DPP10: variants seen among roughly 807,000 people sequenced by gnomAD.
DPP10 encodes the protein inactive dipeptidyl peptidase 10.
In DPP10, 33 loss-of-function variants were observed where a neutral mutation model predicts 120.9. The ratio of observed to expected loss-of-function variants is 0.27; its 90% CI spans 0.21 to 0.37. The LOEUF (loss-of-function observed/expected upper bound fraction) is 0.37. Ranked by LOEUF, DPP10 falls within the 10% of genes least tolerant of loss-of-function variation. The pLI, the probability that DPP10 is intolerant of heterozygous loss-of-function variation, is 1.00. For missense variants in DPP10, 816 were observed against 942.8 expected (o/e 0.87, Z 1.76); for synonymous variants, 337 against 326.1 (o/e 1.03, Z -0.36).
At chr2:114,867,876 C>T (rs1477753473) in intron 1 of DPP10, among the ~76,000 whole-genome samples, 1 of 152,220 alleles carries the variant, frequency 6.6e-6, no homozygotes, top group Non-Finnish European at 1.5e-5. Flanking sequence ...ACATCTGACA[C>T]TCAGCTCCTC....
chr2:115,744,822 T>A (rs2149711299), intron 9 of DPP10, among the ~76,000 whole-genome samples: 1 of 150,692 alleles, frequency 6.6e-6, no homozygotes, highest in Non-Finnish European at 1.5e-5. Flanking sequence ...ATCAGTTTTA[T>A]TCCCTTTAGG....
At chr2:114,671,087 G>T (rs1366987788) in intron 1 of DPP10, among the ~76,000 whole-genome samples, 2 of 152,052 alleles carry the variant, frequency 1.3e-5, no homozygotes, top group Non-Finnish European at 2.9e-5. Context: ...GTCTTTTTCT[G>T]GCTAAACTAT....
At chr2:115,197,803 ATATGC>A (rs2055393038) in intron 1 of DPP10, among the ~76,000 whole-genome samples, 1 of 152,220 alleles carries the variant, frequency 6.6e-6, no homozygotes, top group South Asian at 2.1e-4. Flanking sequence ...ATGAAAATAA[ATATGC>A]TATGACGTTT....
chr2:115,673,775 CTGTTGAGAGT>C, intron 5 of DPP10, among the ~76,000 whole-genome samples: 1 of 152,184 alleles, frequency 6.6e-6, no homozygotes, highest in Non-Finnish European at 1.5e-5. Context: ...TGTAAAACAT[CTGTTGAGAGT>C]CACTGCCTTA....
intron 5 of DPP10, among the ~76,000 whole-genome samples, chr2:115,533,716 CAAAG>C (rs1160080940): frequency 2.0e-5 from 3 of 151,946 alleles, no homozygotes; most frequent in Non-Finnish European, 2.9e-5. Context: ...AATACAAACT[CAAAG>C]AAAGCACAGT....
intron 1 of DPP10, among the ~76,000 whole-genome samples, chr2:115,245,310 G>A (rs947316674): frequency 4.0e-5 from 6 of 151,776 alleles, no homozygotes; most frequent in South Asian, 2.1e-4. Context: ...TCAAAACATG[G>A]GCAAAGGACA....
intron 1 of DPP10, among the ~76,000 whole-genome samples, chr2:114,900,684 C>T (rs749515247): frequency 1.3e-5 from 2 of 152,082 alleles, no homozygotes; most frequent in Non-Finnish European, 2.9e-5. Context: ...ATTTGACAAA[C>T]AGAAGTCCCT....
chr2:115,283,640 G>A (rs1160932386), intron 1 of DPP10, among the ~76,000 whole-genome samples: 1 of 151,966 alleles, frequency 6.6e-6, no homozygotes, highest in Non-Finnish European at 1.5e-5. Context: ...ATTATTACCA[G>A]GTAGGGGAGA....
intron 1 of DPP10, among the ~76,000 whole-genome samples, chr2:114,614,740 G>T (rs2105302330): frequency 6.6e-6 from 1 of 152,270 alleles, no homozygotes; most frequent in East Asian, 1.9e-4. Context: ...ATACACATTT[G>T]TTGTTTGTTT....
intron 1 of DPP10, among the ~76,000 whole-genome samples, chr2:114,822,260 G>T (rs1394125539): frequency 2.0e-5 from 3 of 152,122 alleles, no homozygotes; most frequent in Admixed American, 1.3e-4. Context: ...CACTTGGAAG[G>T]TGCCAAACCT....
At chr2:115,790,404 G>A (rs545435786) in intron 17 of DPP10, among the ~76,000 whole-genome samples, 43 of 152,250 alleles carry the variant, frequency 2.8e-4, no homozygotes, top group Non-Finnish European at 5.6e-4. Flanking sequence ...GTGATGTAAA[G>A]TCTCTCCAAA....
chr2:115,336,319 C>T (rs1351079315), intron 2 of DPP10, among the ~76,000 whole-genome samples: 1 of 151,878 alleles, frequency 6.6e-6, no homozygotes, highest in African/African-American at 2.4e-5. Flanking sequence ...GTTCTGTTGC[C>T]ACATTCATAT....
At chr2:115,418,742 C>A (rs2069661459) in intron 3 of DPP10, among the ~76,000 whole-genome samples, 1 of 150,740 alleles carries the variant, frequency 6.6e-6, no homozygotes, top group Non-Finnish European at 1.5e-5. Flanking sequence ...CACTGCATTC[C>A]AGCCTGGGTG....
At chr2:114,628,560 C>T (rs1694680710) in intron 1 of DPP10, among the ~76,000 whole-genome samples, 1 of 152,108 alleles carries the variant, frequency 6.6e-6, no homozygotes. Flanking sequence ...ATTCATGGGT[C>T]TTTTGCCAAC....
intron 1 of DPP10, among the ~76,000 whole-genome samples, chr2:114,644,451 A>G (rs544067644): frequency 2.6e-5 from 4 of 151,554 alleles, no homozygotes; most frequent in Middle Eastern, 3.4e-3. Flanking sequence ...CCCTATTACA[A>G]AACTCCTCTC....
At chr2:115,233,873 A>G (rs1032742060) in intron 1 of DPP10, 9 of 499,154 alleles carry the variant, frequency 1.8e-5, no homozygotes, top group Non-Finnish European at 2.4e-5. Flanking sequence ...CACATACCCC[A>G]TTTCTGCTCA....
intron 21 of DPP10, among the ~76,000 whole-genome samples, chr2:115,834,949 G>T (rs996364459): frequency 6.6e-6 from 1 of 152,116 alleles, no homozygotes; most frequent in African/African-American, 2.4e-5. Flanking sequence ...TAGCCGGGCT[G>T]GTGGCGGGCG....
chr2:114,840,362 G>T (rs1165446091), intron 1 of DPP10, among the ~76,000 whole-genome samples: 1 of 152,118 alleles, frequency 6.6e-6, no homozygotes, highest in Non-Finnish European at 1.5e-5. Context: ...AGGGCGAGGG[G>T]CATTCCGTTT....
chr2:114,900,971 A>G (rs1468491064), intron 1 of DPP10, among the ~76,000 whole-genome samples: 1 of 152,250 alleles, frequency 6.6e-6, no homozygotes, highest in Non-Finnish European at 1.5e-5. Context: ...ATGCCTAAAC[A>G]GGATCTAGTT....
Sources: gnomAD v4.1 joint callset for allele counts (sites outside exome capture counted in the v4.1 genomes callset) on GRCh38, gnomAD v4.1.1 for gene constraint, MANE v1.5 for transcripts, NCBI Gene and HGNC (gene_info 2026-07-23, HGNC 2026-07-21) for gene names.